The following SPTLC2 variants were observed in gnomAD, a reference collection of about 807,000 sequenced individuals.
SPTLC2 encodes the protein serine palmitoyltransferase 2.
In SPTLC2, 21 loss-of-function variants were observed where a neutral mutation model predicts 62.0. The observed-to-expected ratio is 0.34, with a 90% CI of 0.24 to 0.49. The LOEUF (loss-of-function observed/expected upper bound fraction) is 0.49, where lower values mean the gene tolerates loss of function less well. Among genes scored for constraint, SPTLC2 ranks in the 20% least tolerant of loss-of-function variants. SPTLC2 has a pLI of 0.99. For synonymous variants in SPTLC2, 261 were observed against 261.8 expected (o/e 1.00, Z 0.03); for missense variants, 511 against 713.0 (o/e 0.72, Z 3.23).
At chr14:77,527,366 C>T (rs1361353026) in intron 9 of SPTLC2, among the ~76,000 whole-genome samples, 1 of 152,046 alleles carries the variant, frequency 6.6e-6, no homozygotes, top group Non-Finnish European at 1.5e-5. Flanking sequence ...AGATTTAGTT[C>T]TCTTAAGGAA....
At chr14:77,524,585 A>G (rs1338572155) in intron 9 of SPTLC2, among the ~76,000 whole-genome samples, 2 of 152,236 alleles carry the variant, frequency 1.3e-5, no homozygotes, top group African/African-American at 4.8e-5. Context: ...CACTATTCAC[A>G]AGAGCCAAAT....
intron 2 of SPTLC2, among the ~76,000 whole-genome samples, chr14:77,594,306 G>A (rs1283243628): frequency 6.6e-6 from 1 of 152,198 alleles, no homozygotes; most frequent in African/African-American, 2.4e-5. Flanking sequence ...AGGATACACA[G>A]GCAGCTCCCA....
chr14:77,578,335 T>C (rs1422997952), intron 3 of SPTLC2, among the ~76,000 whole-genome samples: 4 of 140,514 alleles, frequency 2.8e-5, no homozygotes, highest in Non-Finnish European at 6.2e-5. Flanking sequence ...ATAGCTTTTC[T>C]TTTTTTTTTT....
At chr14:77,530,518 AG>A (rs2079433038) in intron 9 of SPTLC2, among the ~76,000 whole-genome samples, 1 of 151,884 alleles carries the variant, frequency 6.6e-6, no homozygotes, top group South Asian at 2.1e-4. Flanking sequence ...TAGTAGAGAC[AG>A]GGTTTCACCA....
intron 3 of SPTLC2, 125 bp downstream of exon 3, chr14:77,578,830 A>G (rs1187657632): frequency 9.2e-6 from 9 of 974,314 alleles, no homozygotes; most frequent in Non-Finnish European, 1.4e-5. Context: ...TAAGGAAACC[A>G]ATCATATTGT....
chr14:77,610,583 GCC>G (rs1024721827), intron 1 of SPTLC2, among the ~76,000 whole-genome samples: 3 of 152,148 alleles, frequency 2.0e-5, no homozygotes, highest in Non-Finnish European at 4.4e-5. Context: ...ACTGTGCCCA[GCC>G]CTTAATACCT....
At chr14:77,550,393 G>A (rs111950656) in intron 9 of SPTLC2, among the ~76,000 whole-genome samples, 6,919 of 152,254 alleles carry the variant, frequency 0.045, 163 homozygotes, top group Middle Eastern at 0.099. Context: ...TGACCAACAC[G>A]GAGAAACCCG....
intron 9 of SPTLC2, among the ~76,000 whole-genome samples, chr14:77,550,213 A>T (rs1031973105): frequency 3.3e-4 from 50 of 152,276 alleles, no homozygotes; most frequent in Admixed American, 8.5e-4. Flanking sequence ...TATTTCCAAA[A>T]ATCTCTCATT....
intron 9 of SPTLC2, chr14:77,547,776 G>A (rs1233218050): frequency 2.0e-5 from 3 of 151,684 alleles, no homozygotes; most frequent in African/African-American, 7.3e-5. Flanking sequence ...GGCACAGTGT[G>A]CTACAGCCCA....
chr14:77,562,521 G>C (rs754736890), intron 5 of SPTLC2, 32 bp from the exon 6 acceptor site: 1 of 1,575,280 alleles, frequency 6.3e-7, no homozygotes, highest in Non-Finnish European at 8.7e-7. Flanking sequence ...AAGGTAAGAA[G>C]CTGGAGGGGA....
At chr14:77,548,124 G>A (rs945590421) in intron 9 of SPTLC2, among the ~76,000 whole-genome samples, 4 of 151,920 alleles carry the variant, frequency 2.6e-5, no homozygotes, top group South Asian at 4.1e-4. Flanking sequence ...TCTATAAAGC[G>A]TTCTGACATT....
Position 77,557,153 on chromosome 14 carries a change from A to G in SPTLC2, c.851-7T>C, listed in dbSNP as rs745731860. ...TTCTCTAGGCTTTGCATATCTACAG[A>G]GCACAAAAAAGAACAGTTATACCGC... On this transcript the variant is annotated splice_region_variant and splice_polypyrimidine_tract_variant and intron_variant, in intron 6 of 11. Transcript: ENST00000216484. 1 of 1,608,716 alleles carries G rather than the reference A, an allele frequency of 6.2e-7. No homozygotes were observed. Among genetic ancestry groups the G allele is most frequent in the South Asian group, 1.1e-5 (1 of 90,990 alleles).
Position 77,533,159 on chromosome 14 carries a change from G to A in SPTLC2, c.1304-11578C>T, listed in dbSNP as rs28628100. Among the ~76,000 whole-genome samples the A allele has an allele frequency of 5.8e-3, 881 of 152,160 alleles. 9 individuals carry two copies. The highest frequency in any genetic ancestry group is 0.02 in the African/African-American group (828 of 41,508). On this transcript the variant is annotated intron_variant, in intron 9 of 11. Transcript: ENST00000216484. Reference sequence around the variant, plus strand: ...CTAAAAAAATACAAAAATTAGCTGGGCGTGGTGGTGCACGCCTGGAGTTCC... The same window carrying A: ...CTAAAAAAATACAAAAATTAGCTGGACGTGGTGGTGCACGCCTGGAGTTCC...
chr14:77,614,491 C>G (rs929688893), intron 1 of SPTLC2, among the ~76,000 whole-genome samples: 1 of 152,020 alleles, frequency 6.6e-6, no homozygotes, highest in African/African-American at 2.4e-5. Flanking sequence ...AGTGAAACCC[C>G]GTATCTACTA....
In SPTLC2 at chr14:77,601,405, T is replaced by C. The variant is rs2079876629; in HGVS notation, c.133-4025A>G. Among the ~76,000 whole-genome samples, 4 of 152,166 alleles carry C rather than the reference T, an allele frequency of 2.6e-5. No homozygotes were observed. In the South Asian group the frequency reaches 6.2e-4, roughly 24 times the overall value. On this transcript the variant is annotated intron_variant, in intron 1 of 11. Transcript: ENST00000216484. ...AGATCCACCCGCTGCCTGCAAAACATTGCTCCTAACTCCACCGCCTATCCC... is the reference window on the plus strand; with the variant it reads ...AGATCCACCCGCTGCCTGCAAAACACTGCTCCTAACTCCACCGCCTATCCC...
At chr14:77,550,156 C>A (rs555247316) in intron 9 of SPTLC2, among the ~76,000 whole-genome samples, 1 of 152,330 alleles carries the variant, frequency 6.6e-6, no homozygotes, top group Non-Finnish European at 1.5e-5. Flanking sequence ...AATAAAACAA[C>A]TTCTTCAAGG....
rs10146062 is a variant in SPTLC2, at chr14:77,549,421, C to T, written c.1303+2675G>A. On this transcript the variant is annotated intron_variant, in intron 9 of 11. Transcript: ENST00000216484. ...AGCATCCTTTCTGGGTACACAGTCA[C>T]GATGTCATGAGGAGCCTAAGCCACA... 6.5e-3 allele frequency among the ~76,000 whole-genome samples: 989 copies of T among 152,186 alleles called. 10 individuals are homozygous for T. The highest frequency in any genetic ancestry group is 0.022 in the African/African-American group (925 of 41,498).
intron 8 of SPTLC2, among the ~76,000 whole-genome samples, chr14:77,553,854 G>T (rs1230688996): frequency 1.3e-5 from 2 of 151,466 alleles, no homozygotes; most frequent in Non-Finnish European, 2.9e-5. Flanking sequence ...TTGCTCTGTT[G>T]CCCAGGCTGC....
chr14:77,555,503 C>T lies in SPTLC2; in HGVS notation c.973G>A (p.Val325Ile). 3 of 1,614,142 alleles carry T rather than the reference C, an allele frequency of 1.9e-6. No homozygotes were observed. The highest frequency in any genetic ancestry group is 1.7e-6 in the Non-Finnish European group (2 of 1,180,034). ...AGGGCAATCACTTCAGGAAGACGAACAATAGATCCCTCCATGCTGGCAAAA... is the reference window on the plus strand; with the variant it reads ...AGGGCAATCACTTCAGGAAGACGAATAATAGATCCCTCCATGCTGGCAAAA... ...EGIYSMEGSI[V>I]RLPEVIALKK... is the part of the protein sequence containing the mutation. Residue 325 changes from valine to isoleucine, a missense_variant, in exon 8 of 12, where the codon GTT becomes ATT. By Grantham distance (29) the Val-to-Ile change is conservative. Transcript: ENST00000216484.
Sources: gnomAD v4.1 joint callset for allele counts (sites outside exome capture counted in the v4.1 genomes callset) on GRCh38, gnomAD v4.1.1 for gene constraint, MANE v1.5 for transcripts, NCBI Gene and HGNC (gene_info 2026-07-23, HGNC 2026-07-21) for gene names.